The following MRRF variants were observed in gnomAD, a reference collection of about 807,000 sequenced individuals.
MRRF encodes the protein ribosome-recycling factor, mitochondrial.
Under a neutral mutation model 25.1 loss-of-function variants are expected in MRRF, and 18 were observed. That is an observed-to-expected ratio of 0.72 (90% CI 0.50 to 1.06). The LOEUF (loss-of-function observed/expected upper bound fraction) is 1.06. MRRF is among the 50% of genes least tolerant of loss of function. MRRF has a pLI of 0.00. For synonymous variants in MRRF, 113 were observed against 112.1 expected, an observed-to-expected ratio of 1.01 and a Z score of -0.05; for missense variants, 323 against 319.3, an observed-to-expected ratio of 1.01 and a Z score of -0.09.
At chr9:122,267,247 G>C (rs780925726) in intron 1 of MRRF, among the ~76,000 whole-genome samples, 1 of 151,796 alleles carries the variant, frequency 6.6e-6, no homozygotes, top group South Asian at 2.1e-4. Flanking sequence ...TGGGTGTGGT[G>C]GTGGGTGCCT....
At chr9:122,279,208 A>G in intron 2 of MRRF, among the ~76,000 whole-genome samples, 1 of 152,170 alleles carries the variant, frequency 6.6e-6, no homozygotes, top group Non-Finnish European at 1.5e-5. Flanking sequence ...AACCTAAGCC[A>G]TTGGTTTCAA....
chr9:122,305,373 C>G (rs905615384), intron 5 of MRRF, among the ~76,000 whole-genome samples: 1 of 147,882 alleles, frequency 6.8e-6, no homozygotes, highest in African/African-American at 2.5e-5. Context: ...GATTATGCCA[C>G]TACACTCCAG....
chr9:122,265,378 C>T (rs1832002061), intron 1 of MRRF: 1 of 234,608 alleles, frequency 4.3e-6, no homozygotes, highest in African/African-American at 2.3e-5. Context: ...TCTGTGCCAC[C>T]CAGTGGCAAA....
chr9:122,315,094 G>C (rs187938536), intron 6 of MRRF, among the ~76,000 whole-genome samples: 2 of 151,762 alleles, frequency 1.3e-5, no homozygotes, highest in East Asian at 3.9e-4. Flanking sequence ...CTGGGGGGGG[G>C]AATTTTAGGT....
intron 5 of MRRF, among the ~76,000 whole-genome samples, chr9:122,294,986 A>T (rs1166188043): frequency 1.3e-5 from 2 of 152,310 alleles, no homozygotes; most frequent in East Asian, 3.9e-4. Context: ...TGCCTTACAT[A>T]TTCAGGAAAG....
At chr9:122,319,371 C>T (rs1296441144) in intron 6 of MRRF, among the ~76,000 whole-genome samples, 2 of 151,992 alleles carry the variant, frequency 1.3e-5, no homozygotes, top group East Asian at 1.9e-4. Context: ...AGGATGGTCT[C>T]GATCTCCTGA....
chr9:122,310,781 C>G (rs1290116496), intron 5 of MRRF, among the ~76,000 whole-genome samples: 1 of 152,178 alleles, frequency 6.6e-6, no homozygotes, highest in Non-Finnish European at 1.5e-5. Context: ...CAGAACTAAC[C>G]AGCTGAGTTC....
At chr9:122,285,966 T>C (rs937487753) in intron 4 of MRRF, 20 of 1,303,942 alleles carry the variant, frequency 1.5e-5, no homozygotes, top group East Asian at 5.5e-5. Context: ...ATTAGGTCAT[T>C]GCATCTTTGA....
At chr9:122,314,257 A>G (rs535333942) in intron 6 of MRRF, among the ~76,000 whole-genome samples, 1 of 152,064 alleles carries the variant, frequency 6.6e-6, no homozygotes, top group African/African-American at 2.4e-5. Flanking sequence ...ATTGGGTTCA[A>G]ATCTGCTTTA....
chr9:122,269,440 A>C (rs1564467812), intron 1 of MRRF, among the ~76,000 whole-genome samples: 1 of 151,804 alleles, frequency 6.6e-6, no homozygotes, highest in Non-Finnish European at 1.5e-5. Context: ...TAAAAGTTTT[A>C]GAGGCCGGGC....
At chr9:122,294,267 A>G (rs1205796395) in intron 5 of MRRF, among the ~76,000 whole-genome samples, 1 of 152,232 alleles carries the variant, frequency 6.6e-6, no homozygotes, top group East Asian at 1.9e-4. Context: ...AGGGTGACTC[A>G]GTTGTGTATC....
chr9:122,320,884 C>T (rs1835854320), intron 6 of MRRF, among the ~76,000 whole-genome samples: 1 of 152,212 alleles, frequency 6.6e-6, no homozygotes, highest in Non-Finnish European at 1.5e-5. Flanking sequence ...TTAAAGCCTC[C>T]TGCCTAAGGC....
rs1836148046 is a variant in MRRF, at chr9:122,326,516, A to G, written c.*3899A>G. ...TCATCTGTCCATGTGTGTACATAAT[A>G]GATACAATTTATTATTTCATTGTGA... On this transcript the variant is annotated 3_prime_UTR_variant, in exon 7 of 7. Transcript: ENST00000344641. The G allele has an allele frequency of 2.0e-5, 3 of 152,284 alleles. No homozygotes were observed. The allele number at this position is 152,284 out of a possible 1,614,324, so 9.4% of individuals were successfully genotyped here. A position where few individuals can be genotyped will look rare whatever the true frequency, so the allele number is the denominator to read the frequency against.
chr9:122,298,881 T>C (rs1474399296), intron 5 of MRRF, among the ~76,000 whole-genome samples: 1 of 152,004 alleles, frequency 6.6e-6, no homozygotes, highest in Admixed American at 6.6e-5. Flanking sequence ...GTGGGGATAG[T>C]GGTGGTTCAA....
chr9:122,315,812 C>T (rs999185437), intron 6 of MRRF, among the ~76,000 whole-genome samples: 1 of 152,100 alleles, frequency 6.6e-6, no homozygotes, highest in Non-Finnish European at 1.5e-5. Flanking sequence ...GCCAGGACAT[C>T]TGCCTCAGGG....
At chr9:122,317,081 TATATATAA>T (rs1184025892) in intron 6 of MRRF, among the ~76,000 whole-genome samples, 1 of 150,654 alleles carries the variant, frequency 6.6e-6, no homozygotes, top group East Asian at 1.9e-4. Flanking sequence ...TATATATATA[TATATATAA>T]ATCTTTGTTG....
chr9:122,289,854 T>C (rs1336134228), intron 4 of MRRF, among the ~76,000 whole-genome samples: 1 of 151,700 alleles, frequency 6.6e-6, no homozygotes, highest in Non-Finnish European at 1.5e-5. Flanking sequence ...ATGGTGAGAC[T>C]CCATCTCTAT....
intron 5 of MRRF, among the ~76,000 whole-genome samples, chr9:122,294,193 C>G (rs1043082450): frequency 2.0e-5 from 3 of 152,258 alleles, no homozygotes; most frequent in Admixed American, 6.5e-5. Flanking sequence ...TTCTGAAGCT[C>G]CAAAATACTG....
rs1237424690 is a variant in MRRF at position 122,329,109 on chromosome 9, A to G, written c.*6492A>G. ...TTCCCTGTTGCCTGCTGAATTATGTAAACTCTTCACCCTGGCATTCAGTAA... is the reference window on the plus strand; with the variant it reads ...TTCCCTGTTGCCTGCTGAATTATGTGAACTCTTCACCCTGGCATTCAGTAA... On this transcript the variant is annotated 3_prime_UTR_variant, in exon 7 of 7. Transcript: ENST00000344641. 6.6e-6 allele frequency: 1 copy of G among 152,190 alleles called. No homozygotes were observed. The highest frequency in any genetic ancestry group is 1.5e-5 in the Non-Finnish European group (1 of 68,054). The allele number at this position is 152,190 out of a possible 1,614,324, so 9.4% of individuals were successfully genotyped here. A position where few individuals can be genotyped will look rare whatever the true frequency, so the allele number is the denominator to read the frequency against.
Sources: gnomAD v4.1 joint callset for allele counts (sites outside exome capture counted in the v4.1 genomes callset) on GRCh38, gnomAD v4.1.1 for gene constraint, MANE v1.5 for transcripts, NCBI Gene and HGNC (gene_info 2026-07-23, HGNC 2026-07-21) for gene names.